SPECC1L: variants seen among roughly 807,000 people sequenced by gnomAD.
SPECC1L encodes cytospin-A.
In SPECC1L, 40 loss-of-function variants were observed where a neutral mutation model predicts 116.8. The ratio of observed to expected loss-of-function variants is 0.34; its 90% confidence interval spans 0.27 to 0.45. The LOEUF (loss-of-function observed/expected upper bound fraction) is 0.45. SPECC1L is among the 20% of genes least tolerant of loss of function. SPECC1L has a pLI of 1.00. For synonymous variants in SPECC1L, 504 were observed against 500.6 expected (o/e 1.01, Z -0.09); for missense variants, 1,110 against 1,373.6 (o/e 0.81, Z 3.03).
At chr22:24,390,621 G>C (rs1451349540) in intron 14 of SPECC1L, among the ~76,000 whole-genome samples, 2 of 152,084 alleles carry the variant, frequency 1.3e-5, no homozygotes, top group Non-Finnish European at 2.9e-5. Context: ...GAACAAAGGG[G>C]AACAAGAATG....
intron 14 of SPECC1L, among the ~76,000 whole-genome samples, chr22:24,410,115 G>C (rs541588841): frequency 6.6e-6 from 1 of 152,394 alleles, no homozygotes; most frequent in Non-Finnish European, 1.5e-5. Flanking sequence ...GGGGCTGTCA[G>C]ATGATGACAC....
chr22:24,395,125 G>A (rs1019337105), intron 14 of SPECC1L, among the ~76,000 whole-genome samples: 1 of 152,128 alleles, frequency 6.6e-6, no homozygotes, highest in Admixed American at 6.5e-5. Flanking sequence ...ACAGCGCCTG[G>A]CCAGAAATTC....
intron 11 of SPECC1L, among the ~76,000 whole-genome samples, chr22:24,356,028 T>G (rs139575138): frequency 5.8e-4 from 88 of 152,296 alleles, no homozygotes; most frequent in African/African-American, 2.0e-3. Flanking sequence ...ACCACTGATA[T>G]GTTTTTCATC....
At chr22:24,272,855 G>A (rs1397678231) in intron 1 of SPECC1L, among the ~76,000 whole-genome samples, 1 of 152,138 alleles carries the variant, frequency 6.6e-6, no homozygotes, top group Non-Finnish European at 1.5e-5. Context: ...ACCACACAGA[G>A]TCGCTTAGCC....
chr22:24,298,702 A>G (rs2049316201), intron 2 of SPECC1L, among the ~76,000 whole-genome samples: 2 of 152,250 alleles, frequency 1.3e-5, no homozygotes, highest in Non-Finnish European at 2.9e-5. Flanking sequence ...GTCCCAGCTC[A>G]GCAGTCAGGT....
At chr22:24,359,101 A>G (rs1164778256) in intron 11 of SPECC1L, among the ~76,000 whole-genome samples, 1 of 151,504 alleles carries the variant, frequency 6.6e-6, no homozygotes, top group South Asian at 2.1e-4. Context: ...CTTTGTTAAG[A>G]AAAAAAAACT....
At chr22:24,330,194 T>C (rs1273241147) in intron 7 of SPECC1L, 62 bp from the exon 8 acceptor site, 2 of 1,561,180 alleles carry the variant, frequency 1.3e-6, no homozygotes, top group African/African-American at 1.4e-5. Flanking sequence ...ACAAATTTTA[T>C]TGCTTTTAAA....
rs1199524078 is a variant in SPECC1L, at chr22:24,321,394, A to G, written c.414A>G (p.Leu138=). The stretch of plus-strand genomic sequence containing the variant: ...CCCGATTAAACCAGAGCAAAAAACT[A>G]CCTTCTGCAGGTCAGGGAGCTAATG... ...ERTRLNQSKK[L]PSAGQGANDM... is the part of the protein sequence containing the mutation. Residue 138 remains leucine, a synonymous_variant, in exon 5 of 17, where the codon CTA becomes CTG. Transcript: ENST00000314328. 6.2e-7 allele frequency: 1 copy of G among 1,614,146 alleles called. No individual in the cohort carries two copies. Among genetic ancestry groups the G allele is most frequent in the Admixed American group, 1.7e-5 (1 of 60,016 alleles).
At chr22:24,314,344 C>T (rs1351896239) in intron 4 of SPECC1L, among the ~76,000 whole-genome samples, 10 of 152,198 alleles carry the variant, frequency 6.6e-5, no homozygotes, top group African/African-American at 1.9e-4. Context: ...CCACCACGCC[C>T]GACCAGAGAA....
chr22:24,368,744 T>A (rs2041819396), intron 13 of SPECC1L, among the ~76,000 whole-genome samples: 1 of 152,150 alleles, frequency 6.6e-6, no homozygotes, highest in Admixed American at 6.5e-5. Context: ...TCTCTAGGGT[T>A]CAAGTGATTC....
chr22:24,366,935 T>G (rs2041780064), intron 13 of SPECC1L, among the ~76,000 whole-genome samples: 1 of 152,216 alleles, frequency 6.6e-6, no homozygotes, highest in Admixed American at 6.5e-5. Context: ...GGCTCACGTC[T>G]GTAATCCCAG....
chr22:24,397,109 C>T (rs554435057), intron 14 of SPECC1L, among the ~76,000 whole-genome samples: 1 of 152,116 alleles, frequency 6.6e-6, no homozygotes, highest in Admixed American at 6.6e-5. Context: ...GAGTTGAGGG[C>T]TCTGGAGAGA....
chr22:24,323,137 T>G (rs983630251), intron 5 of SPECC1L: 4 of 978,228 alleles, frequency 4.1e-6, no homozygotes, highest in Non-Finnish European at 4.9e-6. Context: ...TTGTTTCTGT[T>G]TTCCTGCCTG....
chr22:24,380,960 A>G (rs1279539234), intron 14 of SPECC1L, among the ~76,000 whole-genome samples: 2 of 152,176 alleles, frequency 1.3e-5, no homozygotes, highest in African/African-American at 4.8e-5. Flanking sequence ...AGTGCTTATC[A>G]TGAGAAGTGG....
intron 2 of SPECC1L, among the ~76,000 whole-genome samples, chr22:24,300,502 G>A (rs2049356446): frequency 4.6e-5 from 7 of 152,152 alleles, no homozygotes; most frequent in Admixed American, 4.6e-4. Context: ...ACGCAATAAT[G>A]GGATTGCTGG....
At chr22:24,391,106 A>G (rs1387812199) in intron 14 of SPECC1L, among the ~76,000 whole-genome samples, 1 of 151,294 alleles carries the variant, frequency 6.6e-6, no homozygotes, top group Non-Finnish European at 1.5e-5. Flanking sequence ...CAATCTCCTG[A>G]TCTTGGGATC....
intron 2 of SPECC1L, among the ~76,000 whole-genome samples, chr22:24,283,409 C>G (rs2048983354): frequency 6.6e-6 from 1 of 152,206 alleles, no homozygotes; most frequent in African/African-American, 2.4e-5. Context: ...TTAAACTAAC[C>G]TTGCATTTGT....
intron 8 of SPECC1L, among the ~76,000 whole-genome samples, chr22:24,333,663 T>C (rs1225965053): frequency 6.6e-6 from 1 of 152,010 alleles, no homozygotes; most frequent in Non-Finnish European, 1.5e-5. Flanking sequence ...ATGTATTAGC[T>C]GGAGCCAGTA....
chr22:24,362,585 C>T (rs1361297374), intron 11 of SPECC1L, among the ~76,000 whole-genome samples: 2 of 152,308 alleles, frequency 1.3e-5, no homozygotes, highest in African/African-American at 2.4e-5. Flanking sequence ...TCCTTTAAAG[C>T]CCCTTTCCCT....
Sources: gnomAD v4.1 joint callset for allele counts (sites outside exome capture counted in the v4.1 genomes callset) on GRCh38, gnomAD v4.1.1 for gene constraint, MANE v1.5 for transcripts, NCBI Gene and HGNC (gene_info 2026-07-23, HGNC 2026-07-21) for gene names.